Variants in TEAD1 observed in about 807,000 individuals in gnomAD.
TEAD1 encodes TEA domain transcription factor 1, also known as transcriptional enhancer factor TEF-1.
In TEAD1, 9 loss-of-function variants were observed where a neutral mutation model predicts 54.9. That is an observed-to-expected ratio of 0.16 (90% CI 0.10 to 0.29). The LOEUF (loss-of-function observed/expected upper bound fraction) is 0.29. TEAD1 is among the 10% of genes least tolerant of loss of function. The pLI is 1.00. For missense variants in TEAD1, 387 were observed against 535.9 expected (o/e 0.72, Z 2.74); for synonymous variants, 200 against 187.8 (o/e 1.07, Z -0.53).
At chr11:12,770,627 G>C (rs918751517) in intron 3 of TEAD1, among the ~76,000 whole-genome samples, 3 of 152,180 alleles carry the variant, frequency 2.0e-5, no homozygotes, top group Non-Finnish European at 4.4e-5. Context: ...CCATTTTGCT[G>C]CTGAGGAAAG....
chr11:12,885,834 T>A (rs572487750), intron 9 of TEAD1, among the ~76,000 whole-genome samples: 3 of 152,214 alleles, frequency 2.0e-5, no homozygotes, highest in Non-Finnish European at 4.4e-5. Flanking sequence ...ACATTTTGAA[T>A]CATTCAGACC....
intron 3 of TEAD1, among the ~76,000 whole-genome samples, chr11:12,833,889 G>A (rs1946831115): frequency 6.6e-6 from 1 of 152,122 alleles, no homozygotes; most frequent in East Asian, 1.9e-4. Context: ...CCCCCTCCTT[G>A]TGTTTACTCA....
chr11:12,716,392 C>T (rs972048477), intron 2 of TEAD1, among the ~76,000 whole-genome samples: 1 of 152,206 alleles, frequency 6.6e-6, no homozygotes, highest in Non-Finnish European at 1.5e-5. Context: ...TCCCTCCCCC[C>T]TCCATTGAGG....
At chr11:12,738,939 G>A (rs182337181) in intron 2 of TEAD1, among the ~76,000 whole-genome samples, 2 of 152,174 alleles carry the variant, frequency 1.3e-5, no homozygotes, top group African/African-American at 4.8e-5. Flanking sequence ...GTTGGCAGAG[G>A]TGCTCTGATA....
At chr11:12,734,149 C>G (rs930653879) in intron 2 of TEAD1, among the ~76,000 whole-genome samples, 11 of 152,088 alleles carry the variant, frequency 7.2e-5, no homozygotes, top group Non-Finnish European at 1.5e-4. Context: ...CTCCTGGGCT[C>G]AAGAGATCCT....
intron 3 of TEAD1, among the ~76,000 whole-genome samples, chr11:12,854,826 G>T (rs1947340799): frequency 6.6e-6 from 1 of 150,822 alleles, no homozygotes; most frequent in Non-Finnish European, 1.5e-5. Flanking sequence ...AAACTCCTGG[G>T]CTCAAGTTAT....
chr11:12,774,221 T>G (rs193063569), intron 3 of TEAD1, among the ~76,000 whole-genome samples: 2 of 152,220 alleles, frequency 1.3e-5, no homozygotes, highest in African/African-American at 4.8e-5. Flanking sequence ...GGGATGAGTT[T>G]CGAGGTGTGG....
chr11:12,755,680 A>C (rs1944970122), intron 2 of TEAD1, among the ~76,000 whole-genome samples: 1 of 152,222 alleles, frequency 6.6e-6, no homozygotes, highest in Admixed American at 6.5e-5. Context: ...CCCGAGGTTA[A>C]GTTGTCCATT....
intron 2 of TEAD1, among the ~76,000 whole-genome samples, chr11:12,730,371 C>A (rs1944394606): frequency 1.4e-5 from 2 of 146,526 alleles, no homozygotes; most frequent in Admixed American, 1.4e-4. Context: ...TATATTCTTT[C>A]CAGTGGTGCC....
intron 3 of TEAD1, among the ~76,000 whole-genome samples, chr11:12,857,689 G>T (rs1230932195): frequency 6.6e-6 from 1 of 151,528 alleles, no homozygotes; most frequent in African/African-American, 2.4e-5. Flanking sequence ...TGATGGTGCT[G>T]CTTATCTTCT....
Position 12,925,261 on chromosome 11 carries a change from A to G in TEAD1, c.1014+209A>G, listed in dbSNP as rs112705322. Among the ~76,000 whole-genome samples the G allele has an allele frequency of 4.6e-3, 703 of 152,316 alleles. 5 individuals are homozygous for G. The highest frequency in any genetic ancestry group is 0.016 in the African/African-American group (671 of 41,572). On this transcript the variant is annotated intron_variant, in intron 11 of 12. Coordinates refer to ENST00000527636, the MANE Select transcript of TEAD1 (RefSeq NM_021961.6). ...ATTGACTCACAGTTCCACAGGCTTA[A>G]CAGGAAGCATGATTTGGGGGGTGTC...
intron 2 of TEAD1, among the ~76,000 whole-genome samples, chr11:12,711,644 T>G (rs946377656): frequency 7.9e-5 from 12 of 152,222 alleles, no homozygotes; most frequent in African/African-American, 2.2e-4. Context: ...TCCCATCTCC[T>G]TTCTTGTCCC....
intron 9 of TEAD1, among the ~76,000 whole-genome samples, chr11:12,888,984 G>A (rs1038143642): frequency 6.6e-6 from 1 of 152,140 alleles, no homozygotes; most frequent in Non-Finnish European, 1.5e-5. Flanking sequence ...TAAACCAGAC[G>A]GCAGCTTCCC....
At chr11:12,867,580 C>T (rs1199878656) in intron 5 of TEAD1, among the ~76,000 whole-genome samples, 3 of 152,194 alleles carry the variant, frequency 2.0e-5, no homozygotes, top group African/African-American at 7.2e-5. Flanking sequence ...ACTTAACCTT[C>T]CTAACCAGCC....
Position 12,705,158 on chromosome 11 carries a change from C to G in TEAD1, c.-55+29597C>G, listed in dbSNP as rs999718183. On this transcript the variant is annotated intron_variant, in intron 2 of 12. Coordinates refer to ENST00000527636, the MANE Select transcript of TEAD1 (RefSeq NM_021961.6). ...AGGGATGAGGCAGGAGCTAAGCTGA[C>G]AGAAGCACTCAGGGAATTCGCATAT... Among the ~76,000 whole-genome samples, 6 of 152,208 alleles carry G rather than the reference C, an allele frequency of 3.9e-5. No homozygotes were observed. The East Asian group carries it at 1.2e-3, about 29-fold the overall frequency.
chr11:12,916,078 G>A (rs1258083470), intron 10 of TEAD1, among the ~76,000 whole-genome samples: 3 of 152,052 alleles, frequency 2.0e-5, no homozygotes, highest in Non-Finnish European at 4.4e-5. Context: ...TCGACTTTTT[G>A]TTGTTTTTCA....
chr11:12,864,743 A>T (rs1220250234), intron 4 of TEAD1, 95 bp from the exon 5 acceptor site: 11 of 1,610,892 alleles, frequency 6.8e-6, no homozygotes, highest in Non-Finnish European at 9.3e-6. Context: ...TCAAGCCGCC[A>T]TTAAGGTACG....
At chr11:12,928,283 CTTTTTTTTT>C (rs35934347) in intron 11 of TEAD1, among the ~76,000 whole-genome samples, 1 of 135,504 alleles carries the variant, frequency 7.4e-6, no homozygotes, top group Non-Finnish European at 1.6e-5. Flanking sequence ...TTTTCTTTTC[CTTTTTTTTT>C]TTTTTTGAGA....
chr11:12,742,936 A>G (rs1944675177), intron 2 of TEAD1, among the ~76,000 whole-genome samples: 1 of 152,102 alleles, frequency 6.6e-6, no homozygotes, highest in South Asian at 2.1e-4. Context: ...TCTGTAATGG[A>G]GATGTGGGAG....
Sources: allele counts gnomAD v4.1 joint callset (sites outside exome capture counted in the v4.1 genomes callset), GRCh38; gene constraint gnomAD v4.1.1; transcripts MANE v1.5; gene names NCBI Gene and HGNC (gene_info 2026-07-23, HGNC 2026-07-21).